The following TEX36 variants were observed in gnomAD, a reference collection of about 807,000 sequenced individuals.
The protein encoded by TEX36 is testis expressed 36, also known as testis-expressed protein 36.
Under a neutral mutation model 13.6 loss-of-function variants are expected in TEX36, and 12 were observed. That is an observed-to-expected ratio of 0.88 (90% CI 0.56 to 1.43). The LOEUF is 1.43. Ranked by LOEUF, TEX36 falls within the 40% of genes most tolerant of loss-of-function variation. TEX36 has a pLI of 0.00. For synonymous variants in TEX36, 93 were observed against 83.0 expected, an observed-to-expected ratio of 1.12 and a Z score of -0.65; for missense variants, 224 against 228.3, an observed-to-expected ratio of 0.98 and a Z score of 0.12.
chr10:125,577,833 G>A (rs1315294746), intron 3 of TEX36, among the ~76,000 whole-genome samples: 3 of 152,136 alleles, frequency 2.0e-5, no homozygotes, highest in Non-Finnish European at 4.4e-5. Context: ...AAAGTTTGTA[G>A]ACTGCACAAA....
At chr10:125,613,512 T>C (rs1846317788) in intron 3 of TEX36, among the ~76,000 whole-genome samples, 1 of 142,768 alleles carries the variant, frequency 7.0e-6, no homozygotes, top group Non-Finnish European at 1.5e-5. Context: ...TTCTCACCTA[T>C]GAGTTAGAAT....
At chr10:125,672,324 A>G (rs1210588519) in intron 1 of TEX36, among the ~76,000 whole-genome samples, 1 of 152,056 alleles carries the variant, frequency 6.6e-6, no homozygotes, top group African/African-American at 2.4e-5. Flanking sequence ...ATTCTGGTAC[A>G]TTGTCTCTTT....
chr10:125,576,740 C>T (rs1845828522), exon 4 of TEX36: 1 of 1,534,552 alleles, frequency 6.5e-7, no homozygotes, highest in African/African-American at 1.4e-5. Context: ...AAACTTGCTC[C>T]CAAAGAGCTC....
intron 3 of TEX36, among the ~76,000 whole-genome samples, chr10:125,604,125 A>G (rs1846183548): frequency 6.6e-6 from 1 of 152,134 alleles, no homozygotes; most frequent in Admixed American, 6.5e-5. Flanking sequence ...ATAAAATGTG[A>G]CCAGAGCCAG....
intron 1 of TEX36, among the ~76,000 whole-genome samples, chr10:125,662,238 G>T (rs1034143685): frequency 2.0e-5 from 3 of 152,194 alleles, no homozygotes; most frequent in Non-Finnish European, 2.9e-5. Context: ...TCCATAGCCT[G>T]GTAAGGAGGG....
Position 125,592,182 on chromosome 10 carries a change from T to C in TEX36, c.265-15308A>G, listed in dbSNP as rs577577683. 2.0e-5 allele frequency among the ~76,000 whole-genome samples: 3 copies of C among 152,308 alleles called. No homozygotes were observed. In the South Asian group the frequency reaches 6.2e-4, roughly 32 times the overall value. On this transcript the variant is annotated intron_variant, in intron 3 of 3. Transcript: ENST00000532135. ...CCAACTTTTTTGGAAGAGCGTATCT[T>C]GTGCATCCTAAACCCTCCCGCTGGG...
rs1047982946 is a variant in TEX36 at position 125,656,775 on chromosome 10, G to A, written c.265-579C>T. ...TTTAGAGACATGGAAAGCAGAACCA[G>A]AGACAATCCAGCCAGAAACAGACTG... On this transcript the variant is annotated intron_variant, in intron 3 of 3. Coordinates refer to ENST00000368821, the MANE Select transcript of TEX36 (RefSeq NM_001128202.3). 3.9e-5 allele frequency among the ~76,000 whole-genome samples: 6 copies of A among 152,154 alleles called. No homozygotes were observed. The South Asian group carries it at 6.2e-4, about 16-fold the overall frequency.
chr10:125,655,005 G>A (rs894525697), downstream of TEX36, among the ~76,000 whole-genome samples: 6 of 152,146 alleles, frequency 3.9e-5, no homozygotes, highest in Admixed American at 6.5e-5. Context: ...CAGCAAAAAC[G>A]CTAGAAATGA....
intron 3 of TEX36, among the ~76,000 whole-genome samples, chr10:125,595,334 C>A (rs1045256606): frequency 6.6e-6 from 1 of 152,144 alleles, no homozygotes; most frequent in African/African-American, 2.4e-5. Flanking sequence ...AGTTCCCCAA[C>A]TTGTCTGAAG....
intron 3 of TEX36, among the ~76,000 whole-genome samples, chr10:125,628,923 A>G (rs1846520123): frequency 6.6e-6 from 1 of 152,194 alleles, no homozygotes; most frequent in Non-Finnish European, 1.5e-5. Flanking sequence ...TTCATGCTTT[A>G]TATCCACTAC....
intron 3 of TEX36, among the ~76,000 whole-genome samples, chr10:125,627,847 G>A (rs1846506083): frequency 6.6e-6 from 1 of 152,162 alleles, no homozygotes; most frequent in South Asian, 2.1e-4. Context: ...CCCAGAGGAG[G>A]GTGTCAGTCT....
At chr10:125,633,174 CT>C (rs1371724083) in intron 3 of TEX36, among the ~76,000 whole-genome samples, 2 of 151,998 alleles carry the variant, frequency 1.3e-5, no homozygotes, top group African/African-American at 4.8e-5. Context: ...CATCTTTCCA[CT>C]TTGTCTCTCC....
At chr10:125,642,947 C>T (rs537433193) in intron 3 of TEX36, among the ~76,000 whole-genome samples, 1 of 152,298 alleles carries the variant, frequency 6.6e-6, no homozygotes, top group African/African-American at 2.4e-5. Context: ...GGAAGCTAGA[C>T]AGGATCAAAT....
intron 3 of TEX36, among the ~76,000 whole-genome samples, chr10:125,585,242 G>A (rs1845929212): frequency 6.6e-6 from 1 of 152,150 alleles, no homozygotes; most frequent in Admixed American, 6.5e-5. Flanking sequence ...GCTATACCAT[G>A]GACGAGTTCC....
At chr10:125,605,231 C>T (rs1846200651) in intron 3 of TEX36, among the ~76,000 whole-genome samples, 1 of 152,194 alleles carries the variant, frequency 6.6e-6, no homozygotes, top group Non-Finnish European at 1.5e-5. Context: ...ATTTTCCTTC[C>T]TAGACAGCCC....
chr10:125,618,465 G>A (rs961979276), downstream of TEX36, among the ~76,000 whole-genome samples: 1 of 152,106 alleles, frequency 6.6e-6, no homozygotes, highest in Admixed American at 6.5e-5. Context: ...ATGGGTTTTT[G>A]GTGTGGATGT....
intron 3 of TEX36, chr10:125,576,888 G>T: frequency 6.5e-7 from 1 of 1,536,048 alleles, no homozygotes; most frequent in Non-Finnish European, 8.7e-7. Context: ...TGAGGAAGAG[G>T]GAAGATGTAG....
intron 3 of TEX36, among the ~76,000 whole-genome samples, chr10:125,638,373 A>C (rs528622014): frequency 1.3e-5 from 2 of 152,256 alleles, no homozygotes; most frequent in African/African-American, 4.8e-5. Flanking sequence ...AGAGAGAGAG[A>C]GAAGAGAGAA....
intron 3 of TEX36, among the ~76,000 whole-genome samples, chr10:125,597,019 C>G (rs780225392): frequency 1.1e-4 from 16 of 152,200 alleles, no homozygotes; most frequent in Non-Finnish European, 1.9e-4. Flanking sequence ...ATTGCTAGAA[C>G]AGCTGGCACC....
Sources: gnomAD v4.1 joint callset for allele counts (sites outside exome capture counted in the v4.1 genomes callset) on GRCh38, gnomAD v4.1.1 for gene constraint, MANE v1.5 for transcripts, NCBI Gene and HGNC (gene_info 2026-07-23, HGNC 2026-07-21) for gene names.